The following CDH13 variants were observed in gnomAD, a reference collection of about 807,000 sequenced individuals.
CDH13 encodes the protein cadherin 13.
Under a neutral mutation model 63.8 loss-of-function variants are expected in CDH13, and 24 were observed. The observed-to-expected ratio is 0.38, with a 90% CI of 0.27 to 0.53. The LOEUF (loss-of-function observed/expected upper bound fraction) is 0.53. CDH13 is among the 20% of genes least tolerant of loss of function. CDH13 has a pLI of 0.85. For synonymous variants in CDH13, 503 were observed against 355.3 expected, an observed-to-expected ratio of 1.42 and a Z score of -4.67; for missense variants, 1,049 against 903.1, an observed-to-expected ratio of 1.16 and a Z score of -2.07.
intron 10 of CDH13, chr16:83,728,859 A>C (rs577652090): frequency 6.6e-6 from 1 of 152,508 alleles, no homozygotes; most frequent in Non-Finnish European, 1.5e-5. Flanking sequence ...ACAGACATGT[A>C]TTACTCACAG....
chr16:82,690,494 C>T (rs1387044773), intron 1 of CDH13, among the ~76,000 whole-genome samples: 8 of 152,072 alleles, frequency 5.3e-5, no homozygotes, highest in Admixed American at 4.6e-4. Context: ...AGAGGAAGCA[C>T]ACAAGTTTGT....
At chr16:83,787,583 G>C (rs1915969963) in intron 13 of CDH13, among the ~76,000 whole-genome samples, 1 of 152,206 alleles carries the variant, frequency 6.6e-6, no homozygotes, top group Admixed American at 6.5e-5. Context: ...CTTCTGGAGT[G>C]AGCGCCAGAC....
chr16:83,317,689 A>G (rs2090135974), intron 5 of CDH13, among the ~76,000 whole-genome samples: 1 of 152,068 alleles, frequency 6.6e-6, no homozygotes, highest in African/African-American at 2.4e-5. Flanking sequence ...AATCCCAGAT[A>G]CTTGGGAGGC....
At chr16:82,795,038 C>T (rs1421937555) in intron 1 of CDH13, among the ~76,000 whole-genome samples, 1 of 152,198 alleles carries the variant, frequency 6.6e-6, no homozygotes, top group Admixed American at 6.5e-5. Context: ...ACCTTCCCTC[C>T]TTTGCCTCAT....
At position 83,076,991 on chromosome 16, in the gene CDH13, A is replaced by G. The variant is rs7188542; in HGVS notation, c.366+44773A>G. ...CATCAAGATAGAAACCATCATTATG[A>G]CCTCAGAAAGTTTCTTCATGACCTT... On this transcript the variant is annotated intron_variant, in intron 3 of 13. Coordinates refer to ENST00000567109, the MANE Select transcript of CDH13 (RefSeq NM_001257.5). Among the ~76,000 whole-genome samples the G allele has an allele frequency of 8.9e-3, 1,354 of 152,108 alleles. 25 individuals are homozygous for G. Among genetic ancestry groups the G allele is most frequent in the African/African-American group, 0.029 (1,219 of 41,504 alleles).
chr16:82,980,075 C>A (rs1333428361), intron 2 of CDH13, among the ~76,000 whole-genome samples: 1 of 152,056 alleles, frequency 6.6e-6, no homozygotes, highest in Non-Finnish European at 1.5e-5. Flanking sequence ...CCCCCAGGGG[C>A]TAGTGATGGC....
At chr16:82,956,843 A>G (rs1417074039) in intron 2 of CDH13, among the ~76,000 whole-genome samples, 1 of 152,214 alleles carries the variant, frequency 6.6e-6, no homozygotes, top group East Asian at 1.9e-4. Flanking sequence ...TTTGGATGCC[A>G]TAGCAAAGAT....
At chr16:83,615,886 AC>A (rs1243063741) in intron 8 of CDH13, among the ~76,000 whole-genome samples, 1 of 152,170 alleles carries the variant, frequency 6.6e-6, no homozygotes, top group Non-Finnish European at 1.5e-5. Flanking sequence ...CCTTCATTTC[AC>A]ATTTATCTTC....
chr16:83,350,830 C>G (rs1217730164), intron 6 of CDH13, among the ~76,000 whole-genome samples: 1 of 152,136 alleles, frequency 6.6e-6, no homozygotes, highest in Non-Finnish European at 1.5e-5. Flanking sequence ...GAGTTTTTGT[C>G]TTTTATTTTT....
chr16:83,155,851 T>C (rs993697179), intron 4 of CDH13, among the ~76,000 whole-genome samples: 5 of 152,314 alleles, frequency 3.3e-5, no homozygotes, highest in Middle Eastern at 3.4e-3. Context: ...TCTCAAACCT[T>C]GGCTGCATTT....
At chr16:82,776,310 GAGAAA>G (rs919238489) in intron 1 of CDH13, among the ~76,000 whole-genome samples, 26 of 151,986 alleles carry the variant, frequency 1.7e-4, no homozygotes, top group East Asian at 1.4e-3. Flanking sequence ...GGAGAGAAAA[GAGAAA>G]AGAAAAGAAA....
At chr16:82,807,339 G>A (rs541250328) in intron 1 of CDH13, among the ~76,000 whole-genome samples, 43 of 152,258 alleles carry the variant, frequency 2.8e-4, no homozygotes, top group Non-Finnish European at 5.0e-4. Context: ...AAAGAAAATA[G>A]GGTATTTGTT....
At chr16:82,875,696 T>A (rs1228815447) in intron 2 of CDH13, among the ~76,000 whole-genome samples, 4 of 152,184 alleles carry the variant, frequency 2.6e-5, no homozygotes, top group African/African-American at 9.7e-5. Flanking sequence ...TTTATCTATC[T>A]CAACAATGCA....
At chr16:83,542,467 C>A (rs1214174957) in intron 7 of CDH13, among the ~76,000 whole-genome samples, 1 of 152,200 alleles carries the variant, frequency 6.6e-6, no homozygotes. Flanking sequence ...GGACCAATAA[C>A]GTGCATTTCT....
At chr16:83,140,840 C>G (rs76011697) in intron 4 of CDH13, among the ~76,000 whole-genome samples, 3,784 of 152,290 alleles carry the variant, frequency 0.025, 172 homozygotes, top group African/African-American at 0.086. Context: ...TTGTTTCTCC[C>G]TCCTGGGAAC....
chr16:83,503,494 A>C (rs1470315241), intron 7 of CDH13, among the ~76,000 whole-genome samples: 1 of 152,094 alleles, frequency 6.6e-6, no homozygotes, highest in African/African-American at 2.4e-5. Context: ...CAGGAGAGGG[A>C]AAGGAGGAAA....
At chr16:83,759,072 G>C (rs923953215) in intron 11 of CDH13, among the ~76,000 whole-genome samples, 1 of 152,194 alleles carries the variant, frequency 6.6e-6, no homozygotes, top group Admixed American at 6.5e-5. Context: ...GAAATACAAG[G>C]AGTGAAAAAT....
chr16:82,714,245 C>T (rs941934193), intron 1 of CDH13, among the ~76,000 whole-genome samples: 1 of 152,178 alleles, frequency 6.6e-6, no homozygotes, highest in East Asian at 1.9e-4. Context: ...ACCAACATAC[C>T]CGCTTCCAAG....
intron 7 of CDH13, among the ~76,000 whole-genome samples, chr16:83,505,657 C>T (rs1464585468): frequency 6.6e-6 from 1 of 151,336 alleles, no homozygotes; most frequent in African/African-American, 2.4e-5. Flanking sequence ...GATTCTCCTG[C>T]CTCAGCCTCC....
Sources: allele counts gnomAD v4.1 joint callset (sites outside exome capture counted in the v4.1 genomes callset), GRCh38; gene constraint gnomAD v4.1.1; transcripts MANE v1.5; gene names NCBI Gene and HGNC (gene_info 2026-07-23, HGNC 2026-07-21).